Variants in SURF4 observed in about 807,000 individuals in gnomAD.
SURF4 encodes the protein surfeit locus protein 4.
In SURF4, 3 loss-of-function variants were observed where a neutral mutation model predicts 30.0. That is an observed-to-expected ratio of 0.10 (90% CI 0.05 to 0.26). The LOEUF is 0.26. SURF4 is among the 10% of genes least tolerant of loss of function. SURF4 has a pLI of 1.00. For synonymous variants in SURF4, 143 were observed against 139.9 expected (o/e 1.02, Z -0.16); for missense variants, 217 against 350.8 (o/e 0.62, Z 3.05).
chr9:133,367,006 T>C (rs1384262361), intron 2 of SURF4, among the ~76,000 whole-genome samples: 1 of 152,230 alleles, frequency 6.6e-6, no homozygotes, highest in African/African-American at 2.4e-5. Context: ...TCTCCTGCTT[T>C]GGGTCCCTGA....
At chr9:133,366,391 G>T (rs187665413) in intron 3 of SURF4, among the ~76,000 whole-genome samples, 1 of 152,290 alleles carries the variant, frequency 6.6e-6, no homozygotes, top group East Asian at 1.9e-4. Context: ...TCATAGAAAT[G>T]GGACAAAAGA....
chr9:133,376,061 G>T (rs897384144), upstream of SURF4: 1 of 1,208,488 alleles, frequency 8.3e-7, no homozygotes, highest in Non-Finnish European at 1.0e-6. Flanking sequence ...CACAGGAAGT[G>T]CCCGGCGGCC....
intron 1 of SURF4, among the ~76,000 whole-genome samples, chr9:133,372,345 A>C (rs1837554995): frequency 6.6e-6 from 1 of 152,206 alleles, no homozygotes; most frequent in Admixed American, 6.5e-5. Flanking sequence ...AAGATCAGTC[A>C]ACCAAGCAGT....
chr9:133,375,543 A>AC (rs2130238408), intron 1 of SURF4, among the ~76,000 whole-genome samples: 29 of 151,912 alleles, frequency 1.9e-4, no homozygotes, highest in African/African-American at 7.0e-4. Flanking sequence ...ACGTGCGGGG[A>AC]CCCCCCAGCA....
chr9:133,365,334 G>A (rs1296333836), intron 4 of SURF4, among the ~76,000 whole-genome samples: 3 of 152,132 alleles, frequency 2.0e-5, no homozygotes, highest in African/African-American at 4.8e-5. Flanking sequence ...CTGGGTCCCC[G>A]TGGTCAGGTC....
At chr9:133,374,669 C>T (rs2130227314) in intron 1 of SURF4, among the ~76,000 whole-genome samples, 5 of 152,280 alleles carry the variant, frequency 3.3e-5, no homozygotes, top group Admixed American at 2.6e-4. Context: ...TTACTTTTTC[C>T]CTCCAAATTT....
chr9:133,371,879 C>T (rs1022275814), intron 1 of SURF4, among the ~76,000 whole-genome samples: 2 of 152,190 alleles, frequency 1.3e-5, no homozygotes, highest in Non-Finnish European at 2.9e-5. Flanking sequence ...ACTAGCTCTG[C>T]CACTCTTGAG....
rs143747201 is a variant in SURF4 at position 133,364,876 on chromosome 9, G to A, written c.507C>T (p.Phe169=). 28 of 1,613,984 alleles carry A rather than the reference G, an allele frequency of 1.7e-5. No homozygotes were observed. The African/African-American group carries it at 3.3e-4, about 19-fold the overall frequency. The change falls in exon 5 of 6, where the codon TTC becomes TTT. Residue 169 remains phenylalanine (F), a synonymous_variant. Transcript: ENST00000371989. ...TGGCGTCAAAGTGAAGGAGGGTCAT[G>A]AACATCAGAACCAGCAAGACCCTGC... ...LGGRVLLVLM[F]MTLLHFDASF...
At chr9:133,376,442 G>C (rs1383356019), upstream of SURF4, 4 of 1,545,350 alleles carry the variant, frequency 2.6e-6, no homozygotes, top group African/African-American at 5.6e-5. Context: ...GGCCAGGGGT[G>C]GACGCTCGCC....
Position 133,363,857 on chromosome 9 carries a change from T to C in SURF4, c.544-98A>G. 1.4e-6 allele frequency: 2 copies of C among 1,470,978 alleles called. No individual in the cohort carries two copies. Among genetic ancestry groups the C allele is most frequent in the Non-Finnish European group, 1.9e-6 (2 of 1,062,368 alleles). 91.1% of individuals were successfully genotyped at this position (1,470,978 alleles called of 1,614,324 possible). Reference sequence around the variant, plus strand: ...GCTGCTGCACGTCATGAAGTCTCTATCCATCAGGCTGATGTAGCTACTGCT... The same window carrying C: ...GCTGCTGCACGTCATGAAGTCTCTACCCATCAGGCTGATGTAGCTACTGCT... On this transcript the variant is annotated intron_variant, in intron 5 of 5. Coordinates refer to ENST00000371989, the MANE Select transcript of SURF4 (RefSeq NM_033161.4). The surrounding 1 kb of genome is among the most constrained non-coding windows in gnomAD (Gnocchi z 4.3).
upstream of SURF4, chr9:133,376,246 A>G (rs1033205084): frequency 1.1e-4 from 142 of 1,298,050 alleles, no homozygotes; most frequent in Non-Finnish European, 1.3e-4. Flanking sequence ...CACGCCTCTC[A>G]CGCTGGAGGC....
At chr9:133,374,060 T>C (rs898059513) in intron 1 of SURF4, among the ~76,000 whole-genome samples, 1 of 152,094 alleles carries the variant, frequency 6.6e-6, no homozygotes, top group African/African-American at 2.4e-5. Flanking sequence ...GAAATTCACT[T>C]GCAAATCCAG....
intron 2 of SURF4, 88 bp from the exon 3 acceptor site, chr9:133,366,763 T>A: frequency 7.7e-7 from 1 of 1,291,226 alleles, no homozygotes; most frequent in Non-Finnish European, 1.1e-6. Context: ...ACCTGGCCCT[T>A]AGGTCCAGAG....
chr9:133,375,042 T>C (rs1255239553), intron 1 of SURF4, among the ~76,000 whole-genome samples: 1 of 152,218 alleles, frequency 6.6e-6, no homozygotes, highest in Non-Finnish European at 1.5e-5. Context: ...CTTTTAGAAG[T>C]AAAAGGCATA....
chr9:133,376,243 C>T, upstream of SURF4: 1 of 1,300,048 alleles, frequency 7.7e-7, no homozygotes, highest in South Asian at 2.4e-5. Context: ...CGCCACGCCT[C>T]TCACGCTGGA....
At chr9:133,370,764 G>A (rs2130181972) in intron 1 of SURF4, 3 of 781,334 alleles carry the variant, frequency 3.8e-6, no homozygotes, top group South Asian at 1.4e-5. Flanking sequence ...AACACGGCGA[G>A]CACATAAAAC....
intron 1 of SURF4, among the ~76,000 whole-genome samples, chr9:133,370,239 C>A (rs1837424628): frequency 6.6e-6 from 1 of 152,098 alleles, no homozygotes; most frequent in Admixed American, 6.5e-5. Flanking sequence ...GATTAAAGAG[C>A]AAAAAAGAGA....
intron 1 of SURF4, chr9:133,375,193 AC>A (rs1837809749): frequency 1.0e-6 from 1 of 985,076 alleles, no homozygotes; most frequent in Non-Finnish European, 1.2e-6. Flanking sequence ...CTCAACAGTT[AC>A]CCAACCGCCT....
At chr9:133,377,433 A>C (rs1416038368), upstream of SURF4, among the ~76,000 whole-genome samples, 1 of 152,232 alleles carries the variant, frequency 6.6e-6, no homozygotes, top group South Asian at 2.1e-4. Context: ...TGGGAGGCCA[A>C]GGCGGGCGGA....
Sources: allele counts gnomAD v4.1 joint callset (sites outside exome capture counted in the v4.1 genomes callset), GRCh38; gene constraint gnomAD v4.1.1; non-coding constraint Gnocchi (gnomAD v3.1); transcripts MANE v1.5; gene names NCBI Gene and HGNC (gene_info 2026-07-23, HGNC 2026-07-21).